Variants in RAPGEF1 observed in about 807,000 individuals in gnomAD.
The protein encoded by RAPGEF1 is CRK SH3-binding GNRP.
RAPGEF1 carries 33 observed loss-of-function variants against 143.3 expected under a neutral mutation model. The ratio of observed to expected loss-of-function variants is 0.23; its 90% CI spans 0.17 to 0.31. RAPGEF1 has a LOEUF of 0.31. Among genes scored for constraint, RAPGEF1 ranks in the 10% least tolerant of loss-of-function variants. The pLI is 1.00. For synonymous variants in RAPGEF1, 629 were observed against 676.5 expected (o/e 0.93, Z 1.09); for missense variants, 1,199 against 1,645.4 (o/e 0.73, Z 4.69).
At chr9:131,639,115 GCCC>G (rs1306748413) in intron 4 of RAPGEF1, among the ~76,000 whole-genome samples, 2 of 152,112 alleles carry the variant, frequency 1.3e-5, no homozygotes, top group Non-Finnish European at 1.5e-5. Context: ...CTCAAGGAGT[GCCC>G]CATCTTCCCC....
intron 1 of RAPGEF1, among the ~76,000 whole-genome samples, chr9:131,697,411 C>A (rs1049549850): frequency 6.6e-6 from 1 of 152,232 alleles, no homozygotes; most frequent in African/African-American, 2.4e-5. Flanking sequence ...ACAGGACCTG[C>A]CTCCTGCTTT....
chr9:131,720,633 T>C (rs981369069), intron 1 of RAPGEF1, among the ~76,000 whole-genome samples: 1 of 152,222 alleles, frequency 6.6e-6, no homozygotes, highest in Admixed American at 6.5e-5. Context: ...CAGCAACACC[T>C]GCCAACATCA....
intron 1 of RAPGEF1, among the ~76,000 whole-genome samples, chr9:131,676,535 G>A (rs923768137): frequency 6.6e-6 from 1 of 152,188 alleles, no homozygotes; most frequent in Non-Finnish European, 1.5e-5. Flanking sequence ...CACAAAGAGT[G>A]GCTGGTGCAG....
chr9:131,599,580 A>C (rs1955925826), intron 15 of RAPGEF1, among the ~76,000 whole-genome samples: 2 of 152,038 alleles, frequency 1.3e-5, no homozygotes, highest in Non-Finnish European at 2.9e-5. Flanking sequence ...CGAGGCTTGC[A>C]GTACTGAGCC....
At chr9:131,669,665 G>A (rs891317197) in intron 1 of RAPGEF1, among the ~76,000 whole-genome samples, 3 of 152,150 alleles carry the variant, frequency 2.0e-5, no homozygotes, top group Non-Finnish European at 4.4e-5. Flanking sequence ...ACCCAAGCAT[G>A]CAGAGGGCTG....
chr9:131,679,168 G>GT (rs996707002), intron 1 of RAPGEF1, among the ~76,000 whole-genome samples: 2 of 150,154 alleles, frequency 1.3e-5, no homozygotes, highest in Non-Finnish European at 3.0e-5. Context: ...ATGTGACAAG[G>GT]GGGGGGCCAC....
chr9:131,612,244 A>G (rs1958132486), intron 12 of RAPGEF1, among the ~76,000 whole-genome samples: 1 of 152,026 alleles, frequency 6.6e-6, no homozygotes, highest in South Asian at 2.1e-4. Context: ...TTTCCCCACC[A>G]CCCTGACTGA....
intron 1 of RAPGEF1, among the ~76,000 whole-genome samples, chr9:131,702,555 T>A (rs1163546109): frequency 6.6e-6 from 1 of 152,224 alleles, no homozygotes; most frequent in Non-Finnish European, 1.5e-5. Flanking sequence ...GAGGAACGAT[T>A]TCAAAATAAT....
In RAPGEF1 at chr9:131,624,808, A is replaced by G. The variant is rs182461128; in HGVS notation, c.1702+1114T>C. 1.5e-3 allele frequency among the ~76,000 whole-genome samples: 236 copies of G among 152,322 alleles called. 7 individuals are homozygous for G. The highest frequency in any genetic ancestry group is 0.011 in the Admixed American group (166 of 15,298). On this transcript the variant is annotated intron_variant, in intron 10 of 26. Transcript: ENST00000683357. ...GAGCAAATATACACGACAGATGGGGATGACATCATTAGTCCCACAGAGCCA... is the reference window on the plus strand; with the variant it reads ...GAGCAAATATACACGACAGATGGGGGTGACATCATTAGTCCCACAGAGCCA...
intron 1 of RAPGEF1, among the ~76,000 whole-genome samples, chr9:131,738,590 G>T (rs1353033286): frequency 6.6e-6 from 1 of 152,194 alleles, no homozygotes; most frequent in African/African-American, 2.4e-5. Context: ...TTGCTGTCTG[G>T]ACAGCCGGAA....
intron 1 of RAPGEF1, among the ~76,000 whole-genome samples, chr9:131,718,330 A>T (rs1453840965): frequency 1.3e-5 from 2 of 152,162 alleles, no homozygotes; most frequent in African/African-American, 4.8e-5. Context: ...CACGTCGAGG[A>T]CCTCGGATCG....
intron 1 of RAPGEF1, among the ~76,000 whole-genome samples, chr9:131,710,553 T>C (rs1197057242): frequency 6.6e-6 from 1 of 152,182 alleles, no homozygotes; most frequent in Non-Finnish European, 1.5e-5. Context: ...TTTGAGGTTA[T>C]AAAAGCCCCT....
intron 5 of RAPGEF1, among the ~76,000 whole-genome samples, chr9:131,634,233 C>T (rs924957305): frequency 3.3e-5 from 5 of 151,778 alleles, no homozygotes; most frequent in African/African-American, 9.7e-5. Flanking sequence ...CCAGCCTGGG[C>T]GATAGAGTGA....
At chr9:131,711,067 T>TG (rs1296223878) in intron 1 of RAPGEF1, among the ~76,000 whole-genome samples, 1 of 151,666 alleles carries the variant, frequency 6.6e-6, no homozygotes, top group Non-Finnish European at 1.5e-5. Flanking sequence ...TTTTTTTTTT[T>TG]GGAGTCAGGG....
chr9:131,599,322 AT>A (rs932286166), intron 15 of RAPGEF1, among the ~76,000 whole-genome samples: 1 of 148,896 alleles, frequency 6.7e-6, no homozygotes, highest in Non-Finnish European at 1.5e-5. Context: ...AGGTCTCACT[AT>A]GTAGCTCAGG....
intron 3 of RAPGEF1, among the ~76,000 whole-genome samples, chr9:131,644,056 G>A (rs577153852): frequency 7.9e-5 from 12 of 152,312 alleles, no homozygotes; most frequent in African/African-American, 2.2e-4. Flanking sequence ...GCAGATGACC[G>A]TGATTCTCAA....
At chr9:131,627,352 C>T (rs536442745) in intron 9 of RAPGEF1, among the ~76,000 whole-genome samples, 1 of 151,118 alleles carries the variant, frequency 6.6e-6, no homozygotes, top group South Asian at 2.1e-4. Context: ...CATAATTCAT[C>T]TGATTTCCTA....
At chr9:131,620,613 T>C (rs1271728760) in intron 11 of RAPGEF1, among the ~76,000 whole-genome samples, 1 of 152,158 alleles carries the variant, frequency 6.6e-6, no homozygotes, top group Non-Finnish European at 1.5e-5. Flanking sequence ...GGACTGGAAT[T>C]CAGGACTCCC....
chr9:131,587,638 T>G, intron 22 of RAPGEF1, 98 bp downstream of exon 22: 1 of 1,123,910 alleles, frequency 8.9e-7, no homozygotes, highest in East Asian at 2.6e-5. Context: ...AGGCAGCTCC[T>G]TCTCCTACCA....
Sources: gnomAD v4.1 joint callset for allele counts (sites outside exome capture counted in the v4.1 genomes callset) on GRCh38, gnomAD v4.1.1 for gene constraint, MANE v1.5 for transcripts, NCBI Gene and HGNC (gene_info 2026-07-23, HGNC 2026-07-21) for gene names.